DDR2: variants seen among roughly 807,000 people sequenced by gnomAD.
DDR2 encodes the protein discoidin domain receptor tyrosine kinase 2.
Under a neutral mutation model 94.9 loss-of-function variants are expected in DDR2, and 27 were observed. That is an observed-to-expected ratio of 0.28 (90% confidence interval 0.21 to 0.39). The LOEUF (loss-of-function observed/expected upper bound fraction) is 0.39. Among genes scored for constraint, DDR2 ranks in the 10% least tolerant of loss-of-function variants. The pLI is 1.00. For missense variants in DDR2, 783 were observed against 1,076.0 expected (o/e 0.73, Z 3.81); for synonymous variants, 382 against 377.2 (o/e 1.01, Z -0.15).
intron 3 of DDR2, among the ~76,000 whole-genome samples, chr1:162,745,437 C>T (rs1231432553): frequency 6.6e-6 from 1 of 151,988 alleles, no homozygotes; most frequent in Non-Finnish European, 1.5e-5. Flanking sequence ...GTATCTTCTT[C>T]CAGGAGTTTT....
intron 3 of DDR2, among the ~76,000 whole-genome samples, chr1:162,727,571 G>C (rs2805035): frequency 6.8e-6 from 1 of 147,640 alleles, no homozygotes; most frequent in African/African-American, 2.5e-5. Flanking sequence ...TAAATACAGA[G>C]AAGCCTGGGA....
intron 3 of DDR2, among the ~76,000 whole-genome samples, chr1:162,719,632 G>T (rs1661330012): frequency 6.6e-6 from 1 of 152,066 alleles, no homozygotes; most frequent in South Asian, 2.1e-4. Context: ...AAATAGATAG[G>T]TTAGGAGAAT....
At chr1:162,725,981 A>C (rs1451933875) in intron 3 of DDR2, among the ~76,000 whole-genome samples, 2 of 152,228 alleles carry the variant, frequency 1.3e-5, no homozygotes, top group African/African-American at 2.4e-5. Context: ...AACATGTTTG[A>C]AAAGACTATT....
rs1347632427 is a variant in DDR2 at position 162,632,650 on chromosome 1, T to C, written c.-192+19T>C. On this transcript the variant is annotated intron_variant, in intron 1 of 17. Transcript: ENST00000367921. ...GATGAAAGTAAGTTATGTGGGTCTT[T>C]TTTCTTTATTATTTTTTCTTTTTTG... The C allele has an allele frequency of 1.3e-5, 2 of 152,244 alleles. No individual in the cohort carries two copies. Among genetic ancestry groups the C allele is most frequent in the African/African-American group, 2.4e-5 (1 of 41,456 alleles). The allele number at this position is 152,244 out of a possible 1,614,324, so 9.4% of individuals were successfully genotyped here.
chr1:162,687,414 T>C (rs766804769), intron 2 of DDR2, among the ~76,000 whole-genome samples: 4 of 152,206 alleles, frequency 2.6e-5, no homozygotes, highest in Non-Finnish European at 5.9e-5. Flanking sequence ...CATAGCAACG[T>C]TGAGAGCTTG....
intron 2 of DDR2, among the ~76,000 whole-genome samples, chr1:162,656,833 G>GTTTTTTGTTTTTT (rs1657991899): frequency 1.5e-5 from 1 of 65,682 alleles, no homozygotes; most frequent in Non-Finnish European, 3.0e-5. Flanking sequence ...TGCCACTGGA[G>GTTTTTTGTTTTTT]TTTTTTTTTT....
At chr1:162,768,077 A>C (rs538288784) in intron 11 of DDR2, among the ~76,000 whole-genome samples, 1 of 152,110 alleles carries the variant, frequency 6.6e-6, no homozygotes, top group African/African-American at 2.4e-5. Flanking sequence ...ATGTTTAACT[A>C]TTTTTCTGAT....
rs1425173799 is a variant in DDR2, at chr1:162,741,538, T to C, written c.83-11557T>C. On this transcript the variant is annotated intron_variant, in intron 3 of 17. Coordinates refer to ENST00000367921, the MANE Select transcript of DDR2 (RefSeq NM_006182.4). ...GCAAGGGTAAAGCAAAGATAAGCCA[T>C]GGGACAGCACTTTGCAAACTGTTAA... 3.1e-6 allele frequency: 3 copies of C among 971,180 alleles called. No homozygotes were observed. The African/African-American group carries it at 5.3e-5, about 17-fold the overall frequency. 60.2% of individuals were successfully genotyped at this position (971,180 alleles called of 1,614,324 possible).
At chr1:162,714,178 T>C (rs1051874546) in intron 2 of DDR2, among the ~76,000 whole-genome samples, 2 of 152,218 alleles carry the variant, frequency 1.3e-5, no homozygotes, top group Non-Finnish European at 2.9e-5. Context: ...TTATTAATAC[T>C]AGAAGTTATT....
rs576317260 is a variant in DDR2 at position 162,689,138 on chromosome 1, T to C, written c.-27-29899T>C. Among the ~76,000 whole-genome samples the C allele has an allele frequency of 2.0e-5, 3 of 152,340 alleles. No individual in the cohort carries two copies. In the East Asian group the frequency reaches 5.8e-4, roughly 29 times the overall value. ...CACGCTGCACTGTGGATCTGGACTG[T>C]GGCTCGGGTGCCAGTTGCAACATAG... On this transcript the variant is annotated intron_variant, in intron 2 of 17. Coordinates refer to ENST00000367921, the MANE Select transcript of DDR2 (RefSeq NM_006182.4).
rs543239812 is a variant in DDR2, at chr1:162,657,459, A to G, written c.-28+2085A>G. Among the ~76,000 whole-genome samples, 48 of 152,360 alleles carry G rather than the reference A, an allele frequency of 3.2e-4. No homozygotes were observed. The East Asian group carries it at 5.0e-3, about 16-fold the overall frequency. ...TCCAATCTGGAGAACTAATGAGGAC[A>G]GGAGAAGTTATTAATAGGTAATCTG... On this transcript the variant is annotated intron_variant, in intron 2 of 17. Coordinates refer to ENST00000367921, the MANE Select transcript of DDR2 (RefSeq NM_006182.4).
intron 2 of DDR2, among the ~76,000 whole-genome samples, chr1:162,713,248 A>G (rs904964304): frequency 7.9e-5 from 12 of 152,206 alleles, no homozygotes; most frequent in Non-Finnish European, 7.3e-5. Context: ...TTCTTGAAGT[A>G]TAGGACGTGT....
intron 2 of DDR2, among the ~76,000 whole-genome samples, chr1:162,680,066 C>A (rs1023757273): frequency 1.3e-5 from 2 of 152,090 alleles, no homozygotes; most frequent in African/African-American, 4.8e-5. Flanking sequence ...TCCTAGTTTG[C>A]AAATATTTTC....
At chr1:162,766,691 G>A (rs186070272) in intron 10 of DDR2, among the ~76,000 whole-genome samples, 30 of 152,294 alleles carry the variant, frequency 2.0e-4, no homozygotes, top group Non-Finnish European at 3.4e-4. Flanking sequence ...GACACATGGA[G>A]AGGGGGAGAC....
chr1:162,667,653 T>C (rs538365372), intron 2 of DDR2, among the ~76,000 whole-genome samples: 129 of 152,362 alleles, frequency 8.5e-4, no homozygotes, highest in Non-Finnish European at 1.3e-3. Context: ...AGCTGTCCTT[T>C]AACTAGTTAC....
intron 3 of DDR2, among the ~76,000 whole-genome samples, chr1:162,723,174 A>C (rs990500085): frequency 4.6e-5 from 7 of 152,196 alleles, no homozygotes; most frequent in African/African-American, 1.4e-4. Context: ...AGGTGGGGCC[A>C]AGAGGTAGCA....
In DDR2 at chr1:162,719,936, CA is replaced by C. The variant is rs199551656; in HGVS notation, c.82+792del. Among the ~76,000 whole-genome samples, 324 of 152,186 alleles carry C rather than the reference CA, an allele frequency of 2.1e-3. 8 individuals carry two copies. In the East Asian group the frequency reaches 0.049, roughly 23 times the overall value. On this transcript the variant is annotated intron_variant, in intron 3 of 17. Coordinates refer to ENST00000367921, the MANE Select transcript of DDR2 (RefSeq NM_006182.4). The stretch of plus-strand genomic sequence containing the variant: ...TGCTGTGTTCTGTTTCATCCTCCTG[CA>C]GACTAACCTGGGTATGTTTTCCTGG...
At chr1:162,754,559 T>C in intron 4 of DDR2, 65 bp from the exon 5 acceptor site, 3 of 1,537,190 alleles carry the variant, frequency 2.0e-6, no homozygotes, top group South Asian at 1.1e-5. Flanking sequence ...TGCTTGCCTG[T>C]GAACCAGTAA....
intron 3 of DDR2, among the ~76,000 whole-genome samples, chr1:162,723,225 G>A (rs1661499300): frequency 6.6e-6 from 1 of 152,148 alleles, no homozygotes; most frequent in South Asian, 2.1e-4. Context: ...GCTGAGAGGA[G>A]GGTGAGGAAC....
Sources: gnomAD v4.1 joint callset for allele counts (sites outside exome capture counted in the v4.1 genomes callset) on GRCh38, gnomAD v4.1.1 for gene constraint, MANE v1.5 for transcripts, NCBI Gene and HGNC (gene_info 2026-07-23, HGNC 2026-07-21) for gene names.